CTNNA3: variants seen among roughly 807,000 people sequenced by gnomAD.
The protein encoded by CTNNA3 is catenin alpha 3.
Under a neutral mutation model 95.7 loss-of-function variants are expected in CTNNA3, and 76 were observed. The observed-to-expected ratio is 0.79, with a 90% confidence interval of 0.66 to 0.96. CTNNA3 has a LOEUF of 0.96. CTNNA3 is among the 40% of genes least tolerant of loss of function. CTNNA3 has a pLI of 0.00. For missense variants in CTNNA3, 1,191 were observed against 1,089.8 expected, an observed-to-expected ratio of 1.09 and a Z score of -1.31; for synonymous variants, 431 against 374.4, an observed-to-expected ratio of 1.15 and a Z score of -1.74.
At chr10:66,498,546 T>C (rs1412059901) in intron 11 of CTNNA3, among the ~76,000 whole-genome samples, 1 of 152,176 alleles carries the variant, frequency 6.6e-6, no homozygotes, top group Non-Finnish European at 1.5e-5. Context: ...ACATTTCGTA[T>C]CACTTGTTAG....
intron 5 of CTNNA3, among the ~76,000 whole-genome samples, chr10:67,440,252 G>A (rs78430046): frequency 0.02 from 3,014 of 152,266 alleles, 103 homozygotes; most frequent in African/African-American, 0.068. Flanking sequence ...AGACAGCTCC[G>A]CCTGTGGAAA....
intron 17 of CTNNA3, among the ~76,000 whole-genome samples, chr10:65,964,194 C>A (rs554544853): frequency 6.6e-6 from 1 of 152,100 alleles, no homozygotes; most frequent in Non-Finnish European, 1.5e-5. Context: ...AGGAACAAGA[C>A]AAGAACTCAG....
rs974867438 is a variant in CTNNA3 at position 67,613,800 on chromosome 10, A to C, written c.100-6751T>G. 2.0e-5 allele frequency among the ~76,000 whole-genome samples: 3 copies of C among 151,966 alleles called. No homozygotes were observed. The East Asian group carries it at 5.8e-4, about 29-fold the overall frequency. The stretch of plus-strand genomic sequence containing the variant: ...GGGTGGCTTAAGCCACGGTTCCCCA[A>C]CCTTTTTGGTACCAGAGACCCATTT... On this transcript the variant is annotated intron_variant, in intron 2 of 17. Coordinates refer to ENST00000433211, the MANE Select transcript of CTNNA3 (RefSeq NM_013266.4).
At chr10:67,205,072 C>A (rs539125851) in intron 6 of CTNNA3, among the ~76,000 whole-genome samples, 6 of 152,122 alleles carry the variant, frequency 3.9e-5, no homozygotes, top group African/African-American at 1.2e-4. Context: ...CTCATCTCTT[C>A]GTAACCTGGT....
At chr10:66,709,020 G>A (rs955578258) in intron 9 of CTNNA3, among the ~76,000 whole-genome samples, 2 of 152,012 alleles carry the variant, frequency 1.3e-5, no homozygotes, top group Non-Finnish European at 2.9e-5. Context: ...GAAGCTTTTA[G>A]TGTGAAAACG....
chr10:66,353,683 C>A (rs1369858539), intron 12 of CTNNA3, among the ~76,000 whole-genome samples: 1 of 151,806 alleles, frequency 6.6e-6, no homozygotes, highest in African/African-American at 2.4e-5. Flanking sequence ...GTTAAGATTG[C>A]CAATTTGTTT....
Position 66,342,156 on chromosome 10 carries a change from T to C in CTNNA3, c.1732+36996A>G, listed in dbSNP as rs142754253. Among the ~76,000 whole-genome samples the C allele has an allele frequency of 3.7e-3, 567 of 152,066 alleles. 5 individuals carry two copies. Among genetic ancestry groups the C allele is most frequent in the African/African-American group, 0.013 (526 of 41,532 alleles). On this transcript the variant is annotated intron_variant, in intron 12 of 17. Coordinates refer to ENST00000433211, the MANE Select transcript of CTNNA3 (RefSeq NM_013266.4). ...TAGGTCTTAGAAAATTACACTTCTT[T>C]TTTGCAATAGTCCAAATAGTCTAAA...
Position 66,820,697 on chromosome 10 carries a change from G to A in CTNNA3, c.1048-45173C>T, listed in dbSNP as rs1589292642. Reference sequence around the variant, plus strand: ...AGTTGTATATTGGTGACGGGATCATGAGTGGTTTCTACTTTCTATGGTATG... The same window carrying A: ...AGTTGTATATTGGTGACGGGATCATAAGTGGTTTCTACTTTCTATGGTATG... On this transcript the variant is annotated intron_variant, in intron 7 of 17. Transcript: ENST00000433211. 2.0e-5 allele frequency among the ~76,000 whole-genome samples: 3 copies of A among 150,804 alleles called. No individual in the cohort carries two copies. The East Asian group carries it at 5.8e-4, about 29-fold the overall frequency.
At chr10:67,671,993 C>T in intron 1 of CTNNA3, among the ~76,000 whole-genome samples, 1 of 152,134 alleles carries the variant, frequency 6.6e-6, no homozygotes, top group East Asian at 1.9e-4. Context: ...AAAATTGTTC[C>T]TATTTCTCCA....
chr10:67,100,511 C>T (rs1281245221), intron 7 of CTNNA3, among the ~76,000 whole-genome samples: 1 of 151,708 alleles, frequency 6.6e-6, no homozygotes, highest in Non-Finnish European at 1.5e-5. Context: ...TTGTCTAAAA[C>T]TTGCATTTCT....
intron 7 of CTNNA3, among the ~76,000 whole-genome samples, chr10:66,960,154 C>A (rs12247723): frequency 0.048 from 7,263 of 152,102 alleles, 597 homozygotes; most frequent in African/African-American, 0.17. Flanking sequence ...TCTCTCTCTG[C>A]AGATAACTTT....
At chr10:66,799,096 T>A (rs1378450653) in intron 7 of CTNNA3, among the ~76,000 whole-genome samples, 1 of 151,610 alleles carries the variant, frequency 6.6e-6, no homozygotes, top group Admixed American at 6.6e-5. Flanking sequence ...AGAATCAAAA[T>A]GATCTGCCAG....
At chr10:66,646,456 T>C (rs1180146414) in intron 9 of CTNNA3, among the ~76,000 whole-genome samples, 4 of 152,090 alleles carry the variant, frequency 2.6e-5, no homozygotes, top group Admixed American at 1.3e-4. Flanking sequence ...CTGACCTTTT[T>C]TGGGGCAAGT....
At chr10:66,019,232 AC>A (rs2079152346) in intron 15 of CTNNA3, among the ~76,000 whole-genome samples, 1 of 152,192 alleles carries the variant, frequency 6.6e-6, no homozygotes, top group African/African-American at 2.4e-5. Flanking sequence ...AGTTACAGCT[AC>A]ATTCAATTTC....
chr10:67,083,478 G>A (rs1048886670), intron 7 of CTNNA3, among the ~76,000 whole-genome samples: 11 of 151,322 alleles, frequency 7.3e-5, no homozygotes, highest in African/African-American at 2.4e-4. Flanking sequence ...GTTATGTTTC[G>A]TTGTCTACCT....
chr10:67,658,016 G>A (rs1044385527), intron 1 of CTNNA3, among the ~76,000 whole-genome samples: 23 of 152,076 alleles, frequency 1.5e-4, no homozygotes, highest in Admixed American at 1.4e-3. Flanking sequence ...ATATGCAGCA[G>A]CCCATGTGAG....
At chr10:67,581,341 G>C (rs1182186657) in intron 3 of CTNNA3, among the ~76,000 whole-genome samples, 2 of 152,238 alleles carry the variant, frequency 1.3e-5, no homozygotes, top group African/African-American at 2.4e-5. Flanking sequence ...CTTTGGTTCT[G>C]TTTATATGAT....
chr10:66,451,052 G>A (rs1316748120), intron 11 of CTNNA3, among the ~76,000 whole-genome samples: 1 of 152,008 alleles, frequency 6.6e-6, no homozygotes, highest in Non-Finnish European at 1.5e-5. Flanking sequence ...GGATTCAATA[G>A]CACGTGTACA....
intron 7 of CTNNA3, among the ~76,000 whole-genome samples, chr10:66,848,615 A>C (rs1843366741): frequency 6.6e-6 from 1 of 152,156 alleles, no homozygotes; most frequent in African/African-American, 2.4e-5. Context: ...AATATATTTC[A>C]CCTTATGAGC....
Sources: gnomAD v4.1 joint callset for allele counts (sites outside exome capture counted in the v4.1 genomes callset) on GRCh38, gnomAD v4.1.1 for gene constraint, MANE v1.5 for transcripts, NCBI Gene and HGNC (gene_info 2026-07-23, HGNC 2026-07-21) for gene names.